The following LAMB4 variants were observed in gnomAD, a reference collection of about 807,000 sequenced individuals.
LAMB4 encodes the protein laminin subunit beta 4, also known as laminin subunit beta-4.
LAMB4 carries 196 observed loss-of-function variants against 199.2 expected under a neutral mutation model. The observed-to-expected ratio is 0.98, with a 90% CI of 0.88 to 1.11. The LOEUF is 1.11. Ranked by LOEUF, LAMB4 falls within the 50% of genes least tolerant of loss-of-function variation. The pLI is 0.00. For missense variants in LAMB4, 2,080 were observed against 2,171.2 expected, an observed-to-expected ratio of 0.96 and a Z score of 0.83; for synonymous variants, 744 against 770.6, an observed-to-expected ratio of 0.97 and a Z score of 0.57.
chr7:108,014,006 G>C, the LAMB4 span, among the ~76,000 whole-genome samples: 1 of 151,976 alleles, frequency 6.6e-6, no homozygotes, highest in African/African-American at 2.4e-5. Flanking sequence ...AATTAAAAAG[G>C]GCCACCCAGA....
In LAMB4 at chr7:108,068,066, C is replaced by T; in HGVS notation, c.2396G>A (p.Cys799Tyr). The change falls in exon 19 of 34, where the codon TGT (cysteine) becomes TAT (tyrosine). Residue 799 changes from cysteine to tyrosine, a missense_variant. Transcript: ENST00000388781. ...ATAGCTTCCAGTTGAGCACCTGTCA[C>T]AGCAGCGCCCGACCACAAGAGGTTT... Reference protein sequence around the residue: ...QCKPLVVGRCCDRCSTGSYDL... With the variant: ...QCKPLVVGRCYDRCSTGSYDL... The T allele has an allele frequency of 6.2e-7, 1 of 1,614,190 alleles. No homozygotes were observed. The highest frequency in any genetic ancestry group is 8.5e-7 in the Non-Finnish European group (1 of 1,180,032).
At chr7:108,111,717 A>G in intron 4 of LAMB4, 94 bp downstream of exon 4, 1 of 1,082,040 alleles carries the variant, frequency 9.2e-7, no homozygotes, top group Non-Finnish European at 1.4e-6. Context: ...CCAATATAAT[A>G]CTTTGCTGTG....
Position 108,068,056 on chromosome 7 carries a change from G to A in LAMB4, c.2406C>T (p.Cys802=). ...PLVVGRCCDR[C]STGSYDLGHH... is the part of the protein sequence containing the mutation. ...GCCCCAAATCATAGCTTCCAGTTGAGCACCTGTCACAGCAGCGCCCGACCA... is the reference window on the plus strand; with the variant it reads ...GCCCCAAATCATAGCTTCCAGTTGAACACCTGTCACAGCAGCGCCCGACCA... The change falls in exon 19 of 34, where the codon TGC becomes TGT. Residue 802 remains cysteine (C), a synonymous_variant. Coordinates refer to ENST00000388781, the MANE Select transcript of LAMB4 (RefSeq NM_007356.3). 6.2e-7 allele frequency: 1 copy of A among 1,614,136 alleles called. No homozygotes were observed. Among genetic ancestry groups the A allele is most frequent in the Non-Finnish European group, 8.5e-7 (1 of 1,180,018 alleles).
chr7:108,015,838 G>A, the LAMB4 span, among the ~76,000 whole-genome samples: 1 of 148,288 alleles, frequency 6.7e-6, no homozygotes, highest in South Asian at 2.1e-4. Context: ...TGCTTAGTTG[G>A]CTAATCTCAA....
chr7:108,103,163 A>C lies in LAMB4; in HGVS notation c.1061T>G (p.Leu354Arg). 1 of 1,608,232 alleles carries C rather than the reference A, an allele frequency of 6.2e-7. No homozygotes were observed. Among genetic ancestry groups the C allele is most frequent in the African/African-American group, 1.3e-5 (1 of 75,000 alleles). The change falls in exon 10 of 34, where the codon CTC becomes CGC. Residue 354 changes from leucine to arginine, a missense_variant. Physicochemically the swap from Leu to Arg is moderately radical, Grantham distance 102. Coordinates refer to ENST00000388781, the MANE Select transcript of LAMB4 (RefSeq NM_007356.3). ...DMTTYLASGGLSGGVCEDCQH... is the reference protein window; with the variant it reads ...DMTTYLASGGRSGGVCEDCQH... ...GCAGTCTTCACACACGCCCCCGCTG[A>C]GGCCACCGCTTGCCAGGTACGTAGT...
intron 2 of LAMB4, among the ~76,000 whole-genome samples, chr7:108,119,153 G>T (rs1479773662): frequency 6.6e-6 from 1 of 152,186 alleles, no homozygotes; most frequent in African/African-American, 2.4e-5. Flanking sequence ...TGCTAGAAAG[G>T]ATGTGAAGAT....
intron 17 of LAMB4, among the ~76,000 whole-genome samples, chr7:108,070,901 G>A (rs568127843): frequency 1.1e-4 from 16 of 152,208 alleles, no homozygotes; most frequent in African/African-American, 3.9e-4. Flanking sequence ...ACTACACAGA[G>A]GAAACAGACC....
intron 2 of LAMB4, among the ~76,000 whole-genome samples, chr7:108,117,080 G>A (rs2038434242): frequency 6.6e-6 from 1 of 152,086 alleles, no homozygotes; most frequent in African/African-American, 2.4e-5. Context: ...GAAATGGGGA[G>A]GTCAACATGT....
intron 31 of LAMB4, 57 bp downstream of exon 31, chr7:108,034,151 C>T: frequency 6.5e-7 from 1 of 1,535,554 alleles, no homozygotes; most frequent in Non-Finnish European, 9.0e-7. Flanking sequence ...ATAAAAAGCA[C>T]TGTGTTGTTT....
Position 108,078,230 on chromosome 7 carries a change from A to G in LAMB4, c.1974T>C (p.Pro658=), listed in dbSNP as rs1584697336. The part of the protein sequence containing the change: ...HCIPKTLQSK[P]QSFALPAATR... ...TAGCCGCTGGTAAGGCAAAAGACTG[A>G]GGCTTTGACTGTAGAGTCTTGGGTA... The change falls in exon 16 of 34, where the codon CCT becomes CCC. Residue 658 remains proline, a synonymous_variant. Transcript: ENST00000388781. 1.2e-6 allele frequency: 2 copies of G among 1,610,930 alleles called. No individual in the cohort carries two copies. The highest frequency in any genetic ancestry group is 4.5e-5 in the East Asian group (2 of 44,814).
intron 25 of LAMB4, 142 bp from the exon 26 acceptor site, chr7:108,052,399 G>T: frequency 3.4e-6 from 2 of 580,946 alleles, no homozygotes; most frequent in East Asian, 2.9e-5. Context: ...TCATTTGACG[G>T]TTTATAATTG....
At chr7:108,070,353 G>A (rs1393995870) in intron 17 of LAMB4, among the ~76,000 whole-genome samples, 1 of 152,086 alleles carries the variant, frequency 6.6e-6, no homozygotes, top group East Asian at 1.9e-4. Context: ...TCTTTCCCTA[G>A]TTGTCCTTTG....
intron 18 of LAMB4, among the ~76,000 whole-genome samples, 178 bp downstream of exon 18, chr7:108,069,530 C>T (rs1022908138): frequency 2.0e-5 from 3 of 152,200 alleles, no homozygotes; most frequent in African/African-American, 7.2e-5. Flanking sequence ...CTTTTATACA[C>T]TCAATGTACT....
In LAMB4 at chr7:108,067,746, C is replaced by T. The variant is rs567595294; in HGVS notation, c.2446+270G>A. Among the ~76,000 whole-genome samples, 4 of 152,316 alleles carry T rather than the reference C, an allele frequency of 2.6e-5. No homozygotes were observed. In the South Asian group the frequency reaches 8.3e-4, roughly 32 times the overall value. The stretch of plus-strand genomic sequence containing the variant: ...TAACTGAACTACCAACCATTTGACA[C>T]AGACTGCAAACTTCCAGAGGCATGG... On this transcript the variant is annotated intron_variant, in intron 19 of 33. Transcript: ENST00000388781.
At position 108,112,552 on chromosome 7, in the gene LAMB4, G is replaced by A. The variant is rs147474192; in HGVS notation, c.193-606C>T. Reference sequence around the variant, plus strand: ...AAGTGATCTGCCTGCCTTGGCCTCCGAAAGTGATGAGATTACAGGTGTGAG... The same window carrying A: ...AAGTGATCTGCCTGCCTTGGCCTCCAAAAGTGATGAGATTACAGGTGTGAG... On this transcript the variant is annotated intron_variant, in intron 3 of 33. Transcript: ENST00000388781. Among the ~76,000 whole-genome samples the A allele has an allele frequency of 2.4e-4, 36 of 152,124 alleles. 1 individual carries two copies. In the East Asian group the frequency reaches 6.8e-3, roughly 29 times the overall value.
intron 1 of LAMB4, among the ~76,000 whole-genome samples, chr7:108,124,664 C>CAA (rs55806392): frequency 4.3e-4 from 62 of 144,880 alleles, no homozygotes; most frequent in South Asian, 1.3e-3. Context: ...GTTTAAAAGG[C>CAA]AAAAAAAAAA....
chr7:108,025,389 T>TTTTTTCTTTC (rs1554420519), intron 33 of LAMB4, among the ~76,000 whole-genome samples: 14 of 91,186 alleles, frequency 1.5e-4, no homozygotes, highest in Non-Finnish European at 2.6e-4. Flanking sequence ...TTTTCTTTTC[T>TTTTTTCTTTC]TTTCTTTCTT....
intron 18 of LAMB4, 26 bp downstream of exon 18, chr7:108,069,682 G>C (rs780971114): frequency 1.2e-6 from 2 of 1,600,894 alleles, no homozygotes; most frequent in Non-Finnish European, 1.7e-6. Context: ...CAGTGCCTCA[G>C]TAGAGCCCAT....
chr7:108,104,122 C>T (rs577731520), intron 9 of LAMB4, among the ~76,000 whole-genome samples: 2 of 152,212 alleles, frequency 1.3e-5, no homozygotes, highest in East Asian at 1.9e-4. Context: ...TTTAAGGTCA[C>T]GTTCATGGAA....
Sources: allele counts gnomAD v4.1 joint callset (sites outside exome capture counted in the v4.1 genomes callset), GRCh38; gene constraint gnomAD v4.1.1; transcripts MANE v1.5; gene names NCBI Gene and HGNC (gene_info 2026-07-23, HGNC 2026-07-21).